The following CNTNAP5 variants were observed in gnomAD, a reference collection of about 807,000 sequenced individuals.
The protein encoded by CNTNAP5 is contactin-associated protein-like 5.
Under a neutral mutation model 150.2 loss-of-function variants are expected in CNTNAP5, and 72 were observed. The observed-to-expected ratio is 0.48, with a 90% CI of 0.40 to 0.58. CNTNAP5 has a LOEUF of 0.58. Among genes scored for constraint, CNTNAP5 ranks in the 20% least tolerant of loss-of-function variants. The pLI is 0.00. For synonymous variants in CNTNAP5, 672 were observed against 619.8 expected (o/e 1.08, Z -1.25); for missense variants, 1,636 against 1,626.2 (o/e 1.01, Z -0.10).
intron 3 of CNTNAP5, among the ~76,000 whole-genome samples, chr2:124,383,125 T>C (rs1690841930): frequency 6.6e-6 from 1 of 152,156 alleles, no homozygotes. Flanking sequence ...CAATGACCCG[T>C]ACATTTCCAC....
At chr2:124,227,093 T>C (rs1686478846) in intron 2 of CNTNAP5, among the ~76,000 whole-genome samples, 1 of 152,196 alleles carries the variant, frequency 6.6e-6, no homozygotes, top group Admixed American at 6.6e-5. Flanking sequence ...GTTCAAGTTA[T>C]AGCAGTGTCA....
chr2:124,810,340 C>G (rs931149935), intron 19 of CNTNAP5, among the ~76,000 whole-genome samples: 42 of 152,218 alleles, frequency 2.8e-4, no homozygotes, highest in African/African-American at 9.4e-4. Flanking sequence ...CAAGCTCCCT[C>G]GTGTGGCTGT....
At chr2:124,626,245 C>T (rs1333847201) in intron 12 of CNTNAP5, among the ~76,000 whole-genome samples, 1 of 152,118 alleles carries the variant, frequency 6.6e-6, no homozygotes, top group Non-Finnish European at 1.5e-5. Context: ...AGTCCACTCT[C>T]ACATTGCTAT....
chr2:124,482,230 G>C (rs1427137159), intron 7 of CNTNAP5, among the ~76,000 whole-genome samples: 3 of 152,206 alleles, frequency 2.0e-5, no homozygotes, highest in Non-Finnish European at 4.4e-5. Flanking sequence ...CACGGTGCTA[G>C]CACTGGAGGG....
intron 19 of CNTNAP5, among the ~76,000 whole-genome samples, chr2:124,842,561 T>C (rs1381671361): frequency 6.6e-6 from 1 of 152,196 alleles, no homozygotes; most frequent in Non-Finnish European, 1.5e-5. Context: ...GTAATGGGAC[T>C]CTTTTTCTAT....
intron 3 of CNTNAP5, among the ~76,000 whole-genome samples, chr2:124,371,346 T>C (rs769497958): frequency 6.6e-6 from 1 of 152,118 alleles, no homozygotes; most frequent in Non-Finnish European, 1.5e-5. Context: ...TCTACCAAAG[T>C]ATGTAACAAG....
At chr2:124,383,525 T>C (rs1690854048) in intron 3 of CNTNAP5, among the ~76,000 whole-genome samples, 1 of 152,190 alleles carries the variant, frequency 6.6e-6, no homozygotes, top group Non-Finnish European at 1.5e-5. Context: ...ACTCTGGTAC[T>C]GCAGTCCAGT....
At chr2:124,816,650 G>A (rs1465384422) in intron 19 of CNTNAP5, among the ~76,000 whole-genome samples, 1 of 151,594 alleles carries the variant, frequency 6.6e-6, no homozygotes, top group Non-Finnish European at 1.5e-5. Context: ...GCTAATTTTT[G>A]TATTTTTAAT....
intron 11 of CNTNAP5, among the ~76,000 whole-genome samples, chr2:124,599,921 G>A (rs187669610): frequency 2.6e-5 from 4 of 151,880 alleles, no homozygotes; most frequent in South Asian, 2.1e-4. Flanking sequence ...ATGTTGGTAA[G>A]TTTAAGACGC....
intron 1 of CNTNAP5, among the ~76,000 whole-genome samples, chr2:124,104,757 C>A (rs541169062): frequency 1.3e-5 from 2 of 152,284 alleles, no homozygotes; most frequent in Admixed American, 1.3e-4. Context: ...AACTTACACA[C>A]AATTCTCCTG....
chr2:124,680,922 T>C (rs1679053619), intron 13 of CNTNAP5: 1 of 151,738 alleles, frequency 6.6e-6, no homozygotes, highest in Non-Finnish European at 1.5e-5. Context: ...TACATGTTTG[T>C]AACTTTTATT....
chr2:124,536,870 G>T (rs1362360908), intron 10 of CNTNAP5, among the ~76,000 whole-genome samples: 1 of 152,172 alleles, frequency 6.6e-6, no homozygotes, highest in Non-Finnish European at 1.5e-5. Flanking sequence ...TGGAAGGGCT[G>T]TCTTGGCAGC....
At position 124,225,060 on chromosome 2, in the gene CNTNAP5, G is replaced by A. The variant is rs759413783; in HGVS notation, c.187+3251G>A. Among the ~76,000 whole-genome samples the A allele has an allele frequency of 1.5e-4, 23 of 152,196 alleles. No individual in the cohort carries two copies. The East Asian group carries it at 2.5e-3, about 17-fold the overall frequency. On this transcript the variant is annotated intron_variant, in intron 2 of 23. Coordinates refer to ENST00000682447, the MANE Select transcript of CNTNAP5 (RefSeq NM_001367498.1). Reference sequence around the variant, plus strand: ...ATGGTTTGAAATCTCAGATGCTCTCGAATATACATGCAGATGTAAAGGAGC... The same window carrying A: ...ATGGTTTGAAATCTCAGATGCTCTCAAATATACATGCAGATGTAAAGGAGC...
At chr2:124,197,946 A>T (rs1378495675) in intron 1 of CNTNAP5, among the ~76,000 whole-genome samples, 1 of 151,626 alleles carries the variant, frequency 6.6e-6, no homozygotes, top group Non-Finnish European at 1.5e-5. Flanking sequence ...GCGCCACTGC[A>T]CTCCAGCCTG....
rs79178677 is a variant in CNTNAP5 at position 124,914,761 on chromosome 2, G to T, written c.*473G>T. On this transcript the variant is annotated 3_prime_UTR_variant, in exon 24 of 24. Transcript: ENST00000682447. Reference sequence around the variant, plus strand: ...AGAGAAGAACCTAGAGGCCTGGTTTGCTTTGGTGGCATTGTAAAAAGAGTA... The same window carrying T: ...AGAGAAGAACCTAGAGGCCTGGTTTTCTTTGGTGGCATTGTAAAAAGAGTA... 307 of 152,864 alleles carry T rather than the reference G, an allele frequency of 2.0e-3. 3 individuals carry two copies. The highest frequency in any genetic ancestry group is 0.018 in the East Asian group (94 of 5,154). 9.5% of individuals were successfully genotyped at this position (152,864 alleles called of 1,614,324 possible).
intron 21 of CNTNAP5, among the ~76,000 whole-genome samples, chr2:124,897,766 T>C (rs1357046960): frequency 6.6e-6 from 1 of 151,642 alleles, no homozygotes; most frequent in African/African-American, 2.4e-5. Flanking sequence ...TGAATTGGCC[T>C]TGGACTGATT....
intron 11 of CNTNAP5, among the ~76,000 whole-genome samples, chr2:124,584,178 T>C (rs1696476020): frequency 6.6e-6 from 1 of 152,212 alleles, no homozygotes; most frequent in Admixed American, 6.5e-5. Flanking sequence ...ACACACATAG[T>C]TTACAAAATG....
rs570048964 is a variant in CNTNAP5 at position 124,716,302 on chromosome 2, A to C, written c.2078-30927A>C. Among the ~76,000 whole-genome samples the C allele has an allele frequency of 2.0e-5, 3 of 152,272 alleles. No individual in the cohort carries two copies. The East Asian group carries it at 5.8e-4, about 29-fold the overall frequency. ...AAATGTGTGGCACCATCATCCATTT[A>C]AGGAAGCTGAGGACTGTTTAAAAAT... is the stretch of plus-strand genomic sequence containing the variant. On this transcript the variant is annotated intron_variant, in intron 13 of 23. Coordinates refer to ENST00000682447, the MANE Select transcript of CNTNAP5 (RefSeq NM_001367498.1).
intron 14 of CNTNAP5, among the ~76,000 whole-genome samples, chr2:124,756,735 G>C (rs545641246): frequency 1.2e-4 from 18 of 152,134 alleles, no homozygotes; most frequent in East Asian, 1.2e-3. Flanking sequence ...AACATATCGG[G>C]GTGGGGAACA....
Sources: gnomAD v4.1 joint callset for allele counts (sites outside exome capture counted in the v4.1 genomes callset) on GRCh38, gnomAD v4.1.1 for gene constraint, MANE v1.5 for transcripts, NCBI Gene and HGNC (gene_info 2026-07-23, HGNC 2026-07-21) for gene names.